CREB5: variants seen among roughly 807,000 people sequenced by gnomAD.
The protein encoded by CREB5 is cyclic AMP-responsive element-binding protein 5.
In CREB5, 19 loss-of-function variants were observed where a neutral mutation model predicts 57.1. That is an observed-to-expected ratio of 0.33 (90% CI 0.23 to 0.49). The LOEUF (loss-of-function observed/expected upper bound fraction) is 0.49, where lower values mean the gene tolerates loss of function less well. CREB5 is among the 20% of genes least tolerant of loss of function. The pLI, the probability that CREB5 is intolerant of heterozygous loss-of-function variation, is 0.99. For synonymous variants in CREB5, 238 were observed against 238.3 expected (o/e 1.00, Z 0.01); for missense variants, 579 against 671.6 (o/e 0.86, Z 1.52).
chr7:28,408,101 T>C (rs1267619148), upstream of CREB5, among the ~76,000 whole-genome samples: 1 of 152,170 alleles, frequency 6.6e-6, no homozygotes, highest in East Asian at 1.9e-4. Context: ...CCAGTTGGGA[T>C]CTGGGCTTGA....
At chr7:28,507,164 A>G (rs1333765004) in intron 3 of CREB5, among the ~76,000 whole-genome samples, 2 of 152,230 alleles carry the variant, frequency 1.3e-5, no homozygotes, top group Non-Finnish European at 2.9e-5. Context: ...TTTGTTTACT[A>G]TAAGAATTTG....
rs575937281 is a variant in CREB5, at chr7:28,554,710, A to T, written c.292-15655A>T. On this transcript the variant is annotated intron_variant, in intron 4 of 10. Transcript: ENST00000357727. Reference sequence around the variant, plus strand: ...CCCTTTCCATTCCACCCTGCTATTCACAAGGTCAGCTCTGGGCCACAGCCT... The same window carrying T: ...CCCTTTCCATTCCACCCTGCTATTCTCAAGGTCAGCTCTGGGCCACAGCCT... 2.0e-5 allele frequency among the ~76,000 whole-genome samples: 3 copies of T among 152,292 alleles called. No homozygotes were observed. In the East Asian group the frequency reaches 5.8e-4, roughly 29 times the overall value.
chr7:28,324,053 G>A (rs748637392), intron 1 of CREB5, among the ~76,000 whole-genome samples: 7 of 152,260 alleles, frequency 4.6e-5, no homozygotes, highest in East Asian at 1.9e-4. Flanking sequence ...GATGGAGAGC[G>A]GCTGTAAACA....
chr7:28,651,643 T>C (rs1192199347), intron 5 of CREB5, among the ~76,000 whole-genome samples: 1 of 152,190 alleles, frequency 6.6e-6, no homozygotes, highest in Non-Finnish European at 1.5e-5. Flanking sequence ...TGGTCCTCTT[T>C]CTTTCGCCGG....
intron 1 of CREB5, chr7:28,435,581 A>G: frequency 1.0e-6 from 1 of 961,332 alleles, no homozygotes; most frequent in Non-Finnish European, 1.2e-6. Context: ...CAGGAGAAAC[A>G]TTTCAAACAT....
intron 4 of CREB5, among the ~76,000 whole-genome samples, chr7:28,565,689 G>A (rs1473544195): frequency 6.6e-6 from 1 of 152,162 alleles, no homozygotes; most frequent in Non-Finnish European, 1.5e-5. Flanking sequence ...AGCACTTTGG[G>A]AAGTGGGTGG....
upstream of CREB5, among the ~76,000 whole-genome samples, chr7:28,411,678 A>G (rs1787811820): frequency 6.6e-6 from 1 of 152,190 alleles, no homozygotes; most frequent in Non-Finnish European, 1.5e-5. Context: ...GGAGTTGGTG[A>G]AAACTAAATA....
rs775946353 is a variant in CREB5, at chr7:28,822,834, G to A, written c.*3555G>A. On this transcript the variant is annotated 3_prime_UTR_variant, in exon 11 of 11. Transcript: ENST00000357727. ...TAATTTGAAAGCCAAGTGTTAAGTC[G>A]GATGTTTTCCCGTTACACTACTACT... 3.3e-5 allele frequency: 5 copies of A among 152,426 alleles called. No homozygotes were observed. The highest frequency in any genetic ancestry group is 5.9e-5 in the Non-Finnish European group (4 of 68,034). The allele number at this position is 152,426 out of a possible 1,614,324, so 9.4% of individuals were successfully genotyped here.
At chr7:28,405,229 GT>G (rs1787553628) in intron 1 of CREB5, among the ~76,000 whole-genome samples, 1 of 152,186 alleles carries the variant, frequency 6.6e-6, no homozygotes, top group African/African-American at 2.4e-5. Flanking sequence ...ATAGCTAGAT[GT>G]TTAACCACAA....
intron 1 of CREB5, among the ~76,000 whole-genome samples, chr7:28,361,491 G>A (rs1461476864): frequency 6.6e-6 from 1 of 152,214 alleles, no homozygotes; most frequent in Non-Finnish European, 1.5e-5. Context: ...AGCCCAGCTA[G>A]GTGGTGGGCA....
chr7:28,409,282 T>A (rs1209649420), upstream of CREB5: 2 of 151,678 alleles, frequency 1.3e-5, no homozygotes, highest in East Asian at 4.0e-4. This position sits in a 1 kb window ranked among gnomAD's most constrained non-coding sequence, Gnocchi z 4.4. Flanking sequence ...CGGACCGCAA[T>A]GATTTAGAAG....
chr7:28,688,728 T>C (rs991692418), intron 5 of CREB5, among the ~76,000 whole-genome samples: 2 of 152,206 alleles, frequency 1.3e-5, no homozygotes, highest in Non-Finnish European at 2.9e-5. Flanking sequence ...GGACCTTAAC[T>C]ATGCCTATCT....
At chr7:28,494,075 C>T (rs1034570636) in intron 2 of CREB5, among the ~76,000 whole-genome samples, 3 of 152,090 alleles carry the variant, frequency 2.0e-5, no homozygotes, top group Non-Finnish European at 4.4e-5. Context: ...TTGGTTAATC[C>T]ATAGATAATG....
chr7:28,515,778 TAAG>T (rs1792915750), intron 4 of CREB5, among the ~76,000 whole-genome samples: 1 of 152,318 alleles, frequency 6.6e-6, no homozygotes, highest in Admixed American at 6.5e-5. Context: ...CTGCGAATTC[TAAG>T]AAGGCTATAT....
chr7:28,439,529 A>T (rs1294014059), intron 1 of CREB5, among the ~76,000 whole-genome samples: 2 of 152,178 alleles, frequency 1.3e-5, no homozygotes, highest in Admixed American at 1.3e-4. Context: ...CCTTACAATG[A>T]GGTGGTTGCC....
At chr7:28,629,606 G>A (rs1798128320) in intron 5 of CREB5, among the ~76,000 whole-genome samples, 1 of 152,250 alleles carries the variant, frequency 6.6e-6, no homozygotes, top group South Asian at 2.1e-4. Flanking sequence ...GGTTAGGAAG[G>A]GCCCCTTTAA....
chr7:28,704,327 G>C (rs1184045812), intron 5 of CREB5, among the ~76,000 whole-genome samples: 1 of 152,146 alleles, frequency 6.6e-6, no homozygotes, highest in Non-Finnish European at 1.5e-5. Flanking sequence ...CTTGCACTCA[G>C]AGATCATTTG....
chr7:28,460,742 T>C (rs1432085058), intron 1 of CREB5, among the ~76,000 whole-genome samples: 1 of 152,138 alleles, frequency 6.6e-6, no homozygotes, highest in Admixed American at 6.5e-5. Flanking sequence ...AAGGCTGTTT[T>C]GCACGGTAAA....
At chr7:28,439,335 T>C (rs1789090943) in intron 1 of CREB5, among the ~76,000 whole-genome samples, 1 of 152,206 alleles carries the variant, frequency 6.6e-6, no homozygotes, top group Admixed American at 6.5e-5. Flanking sequence ...ATGTATACTT[T>C]GTGAACCTGC....
Sources: allele counts gnomAD v4.1 joint callset (sites outside exome capture counted in the v4.1 genomes callset), GRCh38; gene constraint gnomAD v4.1.1; non-coding constraint Gnocchi (gnomAD v3.1); transcripts MANE v1.5; gene names NCBI Gene and HGNC (gene_info 2026-07-23, HGNC 2026-07-21).